ZNF280D: variants seen among roughly 807,000 people sequenced by gnomAD.
ZNF280D encodes suppressor of hairy wing homolog 4.
Under a neutral mutation model 94.7 loss-of-function variants are expected in ZNF280D, and 39 were observed. The observed-to-expected ratio is 0.41, with a 90% CI of 0.32 to 0.54. ZNF280D has a LOEUF of 0.54. Ranked by LOEUF, ZNF280D falls within the 20% of genes least tolerant of loss-of-function variation. The pLI, the probability that ZNF280D is intolerant of heterozygous loss-of-function variation, is 0.22. For synonymous variants in ZNF280D, 398 were observed against 377.6 expected, an observed-to-expected ratio of 1.05 and a Z score of -0.63; for missense variants, 1,090 against 1,149.3, an observed-to-expected ratio of 0.95 and a Z score of 0.75.
intron 1 of ZNF280D, among the ~76,000 whole-genome samples, chr15:56,712,594 CA>C (rs1171267893): frequency 0.013 from 983 of 76,944 alleles, 6 homozygotes; most frequent in African/African-American, 0.05. Flanking sequence ...ACCCTCATAC[CA>C]AAAAAAAAAA....
Position 56,685,412 on chromosome 15 carries a change from C to T in ZNF280D, c.781-2935G>A, listed in dbSNP as rs1387763071. On this transcript the variant is annotated intron_variant, in intron 9 of 21. Coordinates refer to ENST00000267807, the MANE Select transcript of ZNF280D (RefSeq NM_017661.4). ...ATGCCCTGACAATGGAAAAACAATA[C>T]AATGAACAAATAAAAATTGGGAGAG... 2.6e-5 allele frequency among the ~76,000 whole-genome samples: 4 copies of T among 151,974 alleles called. No homozygotes were observed. In the East Asian group the frequency reaches 5.8e-4, roughly 22 times the overall value.
At chr15:56,669,888 TTA>T (rs1224664079) in intron 13 of ZNF280D, among the ~76,000 whole-genome samples, 4 of 4,764 alleles carry the variant, frequency 8.4e-4, no homozygotes, top group Non-Finnish European at 1.4e-3. Context: ...TATATATATA[TTA>T]TATATATATA....
chr15:56,689,253 T>C (rs893074226), intron 8 of ZNF280D, 47 bp downstream of exon 8: 3 of 1,567,870 alleles, frequency 1.9e-6, no homozygotes, highest in South Asian at 2.4e-5. Flanking sequence ...CAAAAATGTA[T>C]GTATAAATAC....
chr15:56,677,457 A>G (rs1447998486), intron 12 of ZNF280D, 117 bp downstream of exon 12: 8 of 668,838 alleles, frequency 1.2e-5, no homozygotes, highest in South Asian at 6.3e-5. Flanking sequence ...CATATAATGC[A>G]TAAGTTATGC....
intron 7 of ZNF280D, among the ~76,000 whole-genome samples, 155 bp from the exon 8 acceptor site, chr15:56,689,625 G>A (rs550362108): frequency 6.6e-6 from 1 of 151,850 alleles, no homozygotes; most frequent in Non-Finnish European, 1.5e-5. Context: ...AAACTCAAGG[G>A]TGTAAAGAAA....
intron 3 of ZNF280D, among the ~76,000 whole-genome samples, chr15:56,705,706 A>C (rs2057360867): frequency 6.6e-6 from 1 of 152,144 alleles, no homozygotes; most frequent in South Asian, 2.1e-4. Context: ...CAAAATCTGA[A>C]CTACACTGAT....
At chr15:56,722,266 T>C (rs1407766641) in intron 1 of ZNF280D, among the ~76,000 whole-genome samples, 3 of 152,164 alleles carry the variant, frequency 2.0e-5, no homozygotes, top group Non-Finnish European at 4.4e-5. Context: ...GTCTGAAATA[T>C]TGCAAAAATT....
intron 6 of ZNF280D, among the ~76,000 whole-genome samples, chr15:56,693,590 T>G (rs1358254869): frequency 6.6e-6 from 1 of 151,994 alleles, no homozygotes; most frequent in African/African-American, 2.4e-5. Flanking sequence ...TTTAGATGAC[T>G]TCTAAAGATT....
intron 16 of ZNF280D, among the ~76,000 whole-genome samples, chr15:56,665,604 G>A (rs2054231654): frequency 6.9e-6 from 1 of 145,896 alleles, no homozygotes; most frequent in African/African-American, 2.5e-5. Flanking sequence ...AATACAGAAA[G>A]AGAAACAGAC....
At chr15:56,695,209 A>G (rs2056674543) in intron 6 of ZNF280D, among the ~76,000 whole-genome samples, 1 of 151,942 alleles carries the variant, frequency 6.6e-6, no homozygotes, top group Admixed American at 6.6e-5. Flanking sequence ...AGTAGCTGGG[A>G]CTACAGGCTC....
chr15:56,648,363 T>C (rs2053020098), intron 19 of ZNF280D, among the ~76,000 whole-genome samples: 1 of 152,056 alleles, frequency 6.6e-6, no homozygotes, highest in African/African-American at 2.4e-5. Flanking sequence ...ACTGGTATGC[T>C]AGATTACTGT....
chr15:56,722,380 A>G (rs12593286), intron 1 of ZNF280D, among the ~76,000 whole-genome samples: 85,795 of 152,110 alleles, frequency 0.56, 24,790 homozygotes, highest in Non-Finnish European at 0.63. Flanking sequence ...TAAAAATGCA[A>G]TATCTGCAAA....
intron 19 of ZNF280D, among the ~76,000 whole-genome samples, chr15:56,651,733 T>A (rs1343518480): frequency 6.6e-6 from 1 of 152,174 alleles, no homozygotes; most frequent in Non-Finnish European, 1.5e-5. Context: ...ATAGTTGTTA[T>A]ATTGTATTGT....
intron 9 of ZNF280D, among the ~76,000 whole-genome samples, chr15:56,685,082 T>C (rs1193523431): frequency 2.6e-5 from 4 of 152,176 alleles, no homozygotes; most frequent in African/African-American, 9.7e-5. Flanking sequence ...ACGGGAGCTA[T>C]ACCAACAAAA....
chr15:56,702,165 A>T (rs559090166), intron 4 of ZNF280D, among the ~76,000 whole-genome samples: 51 of 152,280 alleles, frequency 3.3e-4, no homozygotes, highest in African/African-American at 1.2e-3. Flanking sequence ...GATAAGGTCA[A>T]TGCAGTGCTC....
intron 9 of ZNF280D, among the ~76,000 whole-genome samples, chr15:56,687,558 AGAGAT>A (rs879733003): frequency 1.3e-5 from 2 of 152,326 alleles, no homozygotes; most frequent in East Asian, 1.9e-4. Flanking sequence ...AAAAAGACAC[AGAGAT>A]AAGATTCTTC....
chr15:56,696,441 G>A (rs1296636207), intron 6 of ZNF280D, among the ~76,000 whole-genome samples: 1 of 152,172 alleles, frequency 6.6e-6, no homozygotes, highest in Non-Finnish European at 1.5e-5. Flanking sequence ...GTGGGGTCGA[G>A]TAAGGCTCCC....
intron 7 of ZNF280D, among the ~76,000 whole-genome samples, chr15:56,691,695 T>C (rs2056431059): frequency 6.6e-6 from 1 of 152,174 alleles, no homozygotes; most frequent in African/African-American, 2.4e-5. Context: ...AGTGTGTTAA[T>C]CATGTTACTG....
Position 56,685,485 on chromosome 15 carries a change from C to G in ZNF280D, c.781-3008G>C, listed in dbSNP as rs1262180789. On this transcript the variant is annotated intron_variant, in intron 9 of 21. Coordinates refer to ENST00000267807, the MANE Select transcript of ZNF280D (RefSeq NM_017661.4). ...GGTGAAGAGTTCATAGATTGCCTCA[C>G]AGTTCATAAAGGAATATCAGTTAGA... is the stretch of plus-strand genomic sequence containing the variant. Among the ~76,000 whole-genome samples, 12 of 152,110 alleles carry G rather than the reference C, an allele frequency of 7.9e-5. 1 individual carries two copies. The highest frequency in any genetic ancestry group is 5.2e-4 in the Admixed American group (8 of 15,260).
Sources: allele counts gnomAD v4.1 joint callset (sites outside exome capture counted in the v4.1 genomes callset), GRCh38; gene constraint gnomAD v4.1.1; transcripts MANE v1.5; gene names NCBI Gene and HGNC (gene_info 2026-07-23, HGNC 2026-07-21).